The following MYO5C variants were observed in gnomAD, a reference collection of about 807,000 sequenced individuals.
MYO5C encodes the protein myosin VC, also known as unconventional myosin-Vc.
In MYO5C, 194 loss-of-function variants were observed where a neutral mutation model predicts 235.7. The observed-to-expected ratio is 0.82, with a 90% CI of 0.73 to 0.93. The LOEUF (loss-of-function observed/expected upper bound fraction) is 0.93. MYO5C is among the 40% of genes least tolerant of loss of function. MYO5C has a pLI of 0.00. For synonymous variants in MYO5C, 707 were observed against 754.8 expected (o/e 0.94, Z 1.04); for missense variants, 2,038 against 2,127.2 (o/e 0.96, Z 0.82).
intron 4 of MYO5C, chr15:52,277,071 A>G (rs766435353): frequency 2.5e-5 from 12 of 471,588 alleles, no homozygotes; most frequent in African/African-American, 8.0e-5. Flanking sequence ...CCCCGGTCCA[A>G]TATTTTCATT....
At chr15:52,286,314 G>GT (rs2037270464) in intron 1 of MYO5C, among the ~76,000 whole-genome samples, 1 of 149,830 alleles carries the variant, frequency 6.7e-6, no homozygotes, top group South Asian at 2.1e-4. Context: ...CGGGAGGGAG[G>GT]TGGGGGGGGT....
intron 26 of MYO5C, 71 bp from the exon 27 acceptor site, chr15:52,225,209 G>A: frequency 6.5e-7 from 1 of 1,540,068 alleles, no homozygotes; most frequent in South Asian, 1.1e-5. Context: ...CCCTTTCCAG[G>A]GCCCAGTTTT....
intron 31 of MYO5C, among the ~76,000 whole-genome samples, chr15:52,218,897 C>G (rs923655429): frequency 2.6e-5 from 4 of 152,320 alleles, no homozygotes; most frequent in Admixed American, 6.5e-5. Context: ...ATGGACTGCT[C>G]TGGTCTCCTT....
At position 52,196,435 on chromosome 15, in the gene MYO5C, C is replaced by G. The variant is rs1459434820; in HGVS notation, c.4869G>C (p.Gln1623His). ...LEEWLKDKNL[Q>H]NSLAKETLEP... ...CCAAAGTTTCCTTTGCTAAGCTGTT[C>G]TGCAAGTTCTTATCTTTAAGCCATT... is the stretch of plus-strand genomic sequence containing the variant. The change falls in exon 39 of 41, where the codon CAG (glutamine) becomes CAC (histidine). Residue 1623 changes from glutamine to histidine, a missense_variant. Coordinates refer to ENST00000261839, the MANE Select transcript of MYO5C (RefSeq NM_018728.4). 6.2e-7 allele frequency: 1 copy of G among 1,614,168 alleles called. No individual in the cohort carries two copies.
intron 1 of MYO5C, among the ~76,000 whole-genome samples, chr15:52,286,699 G>A (rs2037282138): frequency 6.6e-6 from 1 of 152,048 alleles, no homozygotes; most frequent in African/African-American, 2.4e-5. Flanking sequence ...AATGGATTAA[G>A]GGCGGTGCAA....
chr15:52,250,489 C>T (rs1473814481), intron 13 of MYO5C, among the ~76,000 whole-genome samples: 1 of 152,056 alleles, frequency 6.6e-6, no homozygotes, highest in African/African-American at 2.4e-5. Flanking sequence ...AGCGATCCAC[C>T]CGCCTCAGCC....
At chr15:52,262,583 C>G (rs1175731969) in intron 9 of MYO5C, among the ~76,000 whole-genome samples, 1 of 152,192 alleles carries the variant, frequency 6.6e-6, no homozygotes, top group Non-Finnish European at 1.5e-5. Context: ...GGAATTGACT[C>G]ATTCTGGGAG....
At chr15:52,292,011 T>A (rs1214763946) in intron 1 of MYO5C, among the ~76,000 whole-genome samples, 2 of 152,130 alleles carry the variant, frequency 1.3e-5, no homozygotes, top group Admixed American at 1.3e-4. Context: ...AGTGCTGGGA[T>A]TACAGGCGTG....
intron 8 of MYO5C, among the ~76,000 whole-genome samples, chr15:52,264,930 C>T (rs1267184341): frequency 6.6e-6 from 1 of 152,210 alleles, no homozygotes; most frequent in African/African-American, 2.4e-5. Context: ...TCCTCTGGGG[C>T]TGACTTTACC....
intron 25 of MYO5C, among the ~76,000 whole-genome samples, chr15:52,225,756 T>C (rs11070888): frequency 0.18 from 26,701 of 152,054 alleles, 4,401 homozygotes; most frequent in East Asian, 0.59. Flanking sequence ...ATCAGTAGAA[T>C]TAACTTCCCT....
chr15:52,214,824 G>GT, intron 32 of MYO5C, 134 bp from the exon 33 acceptor site: 1 of 532,566 alleles, frequency 1.9e-6, no homozygotes. Flanking sequence ...AAACTCAAAG[G>GT]TTTTTTAGTG....
rs766704017 is a variant in MYO5C, at chr15:52,194,068, C to T, written c.5077-14G>A. 6.2e-7 allele frequency: 1 copy of T among 1,602,872 alleles called. No homozygotes were observed. The highest frequency in any genetic ancestry group is 8.5e-7 in the Non-Finnish European group (1 of 1,176,770). On this transcript the variant is annotated splice_polypyrimidine_tract_variant and intron_variant, in intron 40 of 40. Transcript: ENST00000261839. ...ATTTAGGAGAGCCTGAAATTAGAAT[C>T]AGAGGAAAAATGAGTAAGGAAACTA...
In MYO5C at chr15:52,271,844, A is replaced by T; in HGVS notation, c.751T>A (p.Ser251Thr). 6.3e-7 allele frequency: 1 copy of T among 1,581,938 alleles called. No individual in the cohort carries two copies. The highest frequency in any genetic ancestry group is 8.6e-7 in the Non-Finnish European group (1 of 1,157,792). The change falls in exon 7 of 41, where the codon TCG becomes ACG. Residue 251 changes from serine (S) to threonine (T), a missense_variant and splice_region_variant. Ser to Thr is a moderately conservative substitution (Grantham distance 58). Coordinates refer to ENST00000261839, the MANE Select transcript of MYO5C (RefSeq NM_018728.4). Reference sequence around the variant, plus strand: ...ATGTGGTAATTTCGTTCATTTTCCGACTGTAAGATAAAGAAATGTCCTCAA... The same window carrying T: ...ATGTGGTAATTTCGTTCATTTTCCGTCTGTAAGATAAAGAAATGTCCTCAA... The part of the protein sequence containing the change: ...LLEKSRVVFQ[S>T]ENERNYHIFY...
At chr15:52,231,083 C>T (rs990792845) in intron 24 of MYO5C, among the ~76,000 whole-genome samples, 1 of 152,202 alleles carries the variant, frequency 6.6e-6, no homozygotes. Flanking sequence ...CCACCTTGGC[C>T]TCCCAAAGTG....
chr15:52,252,451 T>C (rs1479265894), intron 12 of MYO5C, among the ~76,000 whole-genome samples: 1 of 152,132 alleles, frequency 6.6e-6, no homozygotes, highest in African/African-American at 2.4e-5. Flanking sequence ...GATTTTTTTT[T>C]TTTTGAGATG....
intron 1 of MYO5C, among the ~76,000 whole-genome samples, chr15:52,287,654 C>G (rs1372629816): frequency 6.6e-6 from 1 of 152,118 alleles, no homozygotes; most frequent in Non-Finnish European, 1.5e-5. Flanking sequence ...TGTCAAACTC[C>G]TTTTTAGAGC....
intron 4 of MYO5C, chr15:52,277,795 C>T: frequency 2.2e-6 from 1 of 453,914 alleles, no homozygotes; most frequent in South Asian, 1.6e-5. Flanking sequence ...TCGGTCTAGC[C>T]CCAGACTGCC....
At chr15:52,274,678 C>T (rs4776034) in intron 5 of MYO5C, among the ~76,000 whole-genome samples, 3 of 147,494 alleles carry the variant, frequency 2.0e-5, no homozygotes, top group African/African-American at 7.5e-5. Flanking sequence ...GTACCCCCCC[C>T]CCGACATATG....
intron 8 of MYO5C, among the ~76,000 whole-genome samples, chr15:52,268,932 C>T (rs1401612029): frequency 1.3e-5 from 2 of 152,218 alleles, no homozygotes; most frequent in Non-Finnish European, 2.9e-5. Flanking sequence ...GCCTTAGTTT[C>T]CCTCTTGTAA....
Sources: allele counts gnomAD v4.1 joint callset (sites outside exome capture counted in the v4.1 genomes callset), GRCh38; gene constraint gnomAD v4.1.1; transcripts MANE v1.5; gene names NCBI Gene and HGNC (gene_info 2026-07-23, HGNC 2026-07-21).